Variants in PLCL1 observed in about 807,000 individuals in gnomAD.
PLCL1 encodes phospholipase C like 1 (inactive).
In PLCL1, 41 loss-of-function variants were observed where a neutral mutation model predicts 84.4. That is an observed-to-expected ratio of 0.49 (90% confidence interval 0.38 to 0.63). PLCL1 has a LOEUF of 0.63. Ranked by LOEUF, PLCL1 falls within the 30% of genes least tolerant of loss-of-function variation. PLCL1 has a pLI of 0.00. For missense variants in PLCL1, 1,206 were observed against 1,367.8 expected (o/e 0.88, Z 1.87); for synonymous variants, 490 against 488.3 (o/e 1.00, Z -0.05).
At position 198,084,032 on chromosome 2, in the gene PLCL1, C is replaced by G; in HGVS notation, c.515C>G (p.Thr172Arg). Residue 172 changes from threonine (T) to arginine (R), a missense_variant, in exon 2 of 6, where the codon ACG (threonine) becomes AGG (arginine). Physicochemically the swap from Thr to Arg is moderately conservative, Grantham distance 71. Transcript: ENST00000428675. ...AIKEIRLGKN[T>R]ETFRNNGLAD... The stretch of plus-strand genomic sequence containing the variant: ...AAAGAGATCAGACTGGGGAAAAACA[C>G]GGAAACATTTAGAAACAATGGCCTT... 6.2e-7 allele frequency: 1 copy of G among 1,614,120 alleles called. No individual in the cohort carries two copies. The highest frequency in any genetic ancestry group is 2.2e-5 in the East Asian group (1 of 44,882).
intron 1 of PLCL1, among the ~76,000 whole-genome samples, chr2:197,946,319 A>G (rs1689268974): frequency 6.6e-6 from 1 of 152,172 alleles, no homozygotes; most frequent in African/African-American, 2.4e-5. Context: ...AACAAAGTCG[A>G]GAGGGGAACA....
intron 3 of PLCL1, among the ~76,000 whole-genome samples, chr2:198,094,140 CAAGCTCCG>C (rs1350640196): frequency 6.6e-6 from 1 of 152,152 alleles, no homozygotes; most frequent in Non-Finnish European, 1.5e-5. Flanking sequence ...CAGCTCACTG[CAAGCTCCG>C]CCTCCTGGGT....
chr2:198,055,550 A>G (rs1398636771), intron 1 of PLCL1, among the ~76,000 whole-genome samples: 1 of 147,398 alleles, frequency 6.8e-6, no homozygotes, highest in Non-Finnish European at 1.5e-5. Flanking sequence ...TGAGTGAATT[A>G]GGTTTAGTTG....
chr2:198,073,089 T>G (rs543226604), intron 1 of PLCL1, among the ~76,000 whole-genome samples: 10 of 152,336 alleles, frequency 6.6e-5, no homozygotes, highest in Middle Eastern at 3.4e-3. Context: ...TGAGTAAAAT[T>G]TATTAATCTC....
intron 1 of PLCL1, among the ~76,000 whole-genome samples, chr2:197,918,841 T>C (rs1407123673): frequency 6.6e-6 from 1 of 152,022 alleles, no homozygotes; most frequent in East Asian, 1.9e-4. Context: ...TAGGGGAGCC[T>C]GAGGTGGGAG....
intron 1 of PLCL1, among the ~76,000 whole-genome samples, chr2:197,847,426 TTTCATA>T (rs1687140817): frequency 6.6e-6 from 1 of 152,198 alleles, no homozygotes; most frequent in Non-Finnish European, 1.5e-5. Flanking sequence ...ATGTTTTTAT[TTTCATA>T]GAGAGAATGG....
chr2:197,842,016 A>G (rs184480567), intron 1 of PLCL1, among the ~76,000 whole-genome samples: 1 of 152,132 alleles, frequency 6.6e-6, no homozygotes. Flanking sequence ...CTATGTTTTA[A>G]AAAATAGCTG....
chr2:197,822,912 C>T (rs1690847883), intron 1 of PLCL1, among the ~76,000 whole-genome samples: 2 of 152,066 alleles, frequency 1.3e-5, no homozygotes, highest in Admixed American at 6.6e-5. Context: ...ACACTATGCT[C>T]CTGAATTTGA....
intron 1 of PLCL1, among the ~76,000 whole-genome samples, chr2:197,815,829 G>T (rs1419935144): frequency 6.6e-6 from 1 of 152,150 alleles, no homozygotes. Context: ...GGAGCCTGAA[G>T]ATGTGACTGA....
At chr2:197,814,639 G>A (rs1383008255) in intron 1 of PLCL1, among the ~76,000 whole-genome samples, 1 of 152,166 alleles carries the variant, frequency 6.6e-6, no homozygotes, top group Non-Finnish European at 1.5e-5. Context: ...AGGAAGGCAT[G>A]TCTAAAGCTG....
At chr2:198,016,170 T>C (rs1690992971) in intron 1 of PLCL1, among the ~76,000 whole-genome samples, 1 of 152,164 alleles carries the variant, frequency 6.6e-6, no homozygotes, top group African/African-American at 2.4e-5. Context: ...TAGTCAGTAG[T>C]AACACATTTG....
Position 198,086,185 on chromosome 2 carries a change from G to A in PLCL1, c.2668G>A (p.Ala890Thr). 3 of 1,613,876 alleles carry A rather than the reference G, an allele frequency of 1.9e-6. No homozygotes were observed. The South Asian group carries it at 3.3e-5, about 18-fold the overall frequency. The change falls in exon 2 of 6, where the codon GCG (alanine) becomes ACG (threonine). Residue 890 changes from alanine (A) to threonine (T), a missense_variant. Ala to Thr is a moderately conservative substitution (Grantham distance 58). Transcript: ENST00000428675. The part of the protein sequence containing the change: ...LKTIDDIFKI[A>T]VHPLREAIDM... Reference sequence around the variant, plus strand: ...AACCATTGATGACATCTTTAAAATAGCGGTTCATCCATTACGAGAAGCCAT... The same window carrying A: ...AACCATTGATGACATCTTTAAAATAACGGTTCATCCATTACGAGAAGCCAT...
chr2:198,008,507 C>A lies in PLCL1; in HGVS notation c.241-75251C>A, dbSNP rs536147769. 2.6e-5 allele frequency among the ~76,000 whole-genome samples: 4 copies of A among 151,558 alleles called. No homozygotes were observed. In the East Asian group the frequency reaches 5.8e-4, roughly 22 times the overall value. On this transcript the variant is annotated intron_variant, in intron 1 of 5. Transcript: ENST00000428675. Reference sequence around the variant, plus strand: ...CACTTAACGTAATGTCCTCGAGTTTCATTCTTATTGTAGCATGTGACAAGA... The same window carrying A: ...CACTTAACGTAATGTCCTCGAGTTTAATTCTTATTGTAGCATGTGACAAGA...
At chr2:197,906,205 C>A (rs1392184475) in intron 1 of PLCL1, among the ~76,000 whole-genome samples, 1 of 152,066 alleles carries the variant, frequency 6.6e-6, no homozygotes, top group East Asian at 1.9e-4. Flanking sequence ...TCAGGTCTTA[C>A]GTTTAAGTCT....
At chr2:197,956,273 T>C (rs2105785954) in intron 1 of PLCL1, among the ~76,000 whole-genome samples, 1 of 152,252 alleles carries the variant, frequency 6.6e-6, no homozygotes, top group East Asian at 1.9e-4. Context: ...AGTGCTTCAG[T>C]AAACATATGT....
chr2:198,131,656 T>C (rs896714126), intron 5 of PLCL1, among the ~76,000 whole-genome samples: 15 of 152,206 alleles, frequency 9.9e-5, no homozygotes, highest in African/African-American at 3.4e-4. Context: ...CCATAACCCC[T>C]ATTCTTTCTA....
chr2:197,815,654 T>C (rs1328716309), intron 1 of PLCL1, among the ~76,000 whole-genome samples: 1 of 152,134 alleles, frequency 6.6e-6, no homozygotes, highest in Non-Finnish European at 1.5e-5. Context: ...CCAGGTACCA[T>C]TAAGAACATT....
At chr2:198,056,736 C>T (rs1219567387) in intron 1 of PLCL1, among the ~76,000 whole-genome samples, 6 of 152,036 alleles carry the variant, frequency 3.9e-5, no homozygotes, top group Non-Finnish European at 7.4e-5. Context: ...GTGTGCTTAC[C>T]GCATTACTAA....
At chr2:198,036,769 G>A (rs1244969743) in intron 1 of PLCL1, among the ~76,000 whole-genome samples, 1 of 152,158 alleles carries the variant, frequency 6.6e-6, no homozygotes, top group Admixed American at 6.5e-5. Flanking sequence ...ACAAAATTCT[G>A]CTACACACAG....
Sources: gnomAD v4.1 joint callset for allele counts (sites outside exome capture counted in the v4.1 genomes callset) on GRCh38, gnomAD v4.1.1 for gene constraint, MANE v1.5 for transcripts, NCBI Gene and HGNC (gene_info 2026-07-23, HGNC 2026-07-21) for gene names.